The following KIAA1217 variants were observed in gnomAD, a reference collection of about 807,000 sequenced individuals.
KIAA1217 encodes sickle tail protein homolog.
Under a neutral mutation model 163.9 loss-of-function variants are expected in KIAA1217, and 88 were observed. The ratio of observed to expected loss-of-function variants is 0.54; its 90% confidence interval spans 0.45 to 0.64. KIAA1217 has a LOEUF of 0.64. Ranked by LOEUF, KIAA1217 falls within the 30% of genes least tolerant of loss-of-function variation. KIAA1217 has a pLI of 0.00. For synonymous variants in KIAA1217, 903 were observed against 923.1 expected, an observed-to-expected ratio of 0.98 and a Z score of 0.39; for missense variants, 2,372 against 2,475.0, an observed-to-expected ratio of 0.96 and a Z score of 0.88.
At chr10:24,064,624 T>A (rs1201327037) in intron 2 of KIAA1217, among the ~76,000 whole-genome samples, 2 of 152,084 alleles carry the variant, frequency 1.3e-5, no homozygotes, top group South Asian at 4.2e-4. Flanking sequence ...TGTCTCTGCC[T>A]GGCTTTGGTA....
intron 2 of KIAA1217, among the ~76,000 whole-genome samples, chr10:24,309,305 TGTAGACCA>T (rs1179150174): frequency 6.6e-6 from 1 of 151,286 alleles, no homozygotes; most frequent in Non-Finnish European, 1.5e-5. Context: ...AACTGTATTG[TGTAGACCA>T]GTAGACCATG....
chr10:24,373,228 G>A (rs1370325934), intron 2 of KIAA1217, among the ~76,000 whole-genome samples: 1 of 152,144 alleles, frequency 6.6e-6, no homozygotes, highest in African/African-American at 2.4e-5. Context: ...GTCACTTCTT[G>A]CAAATGGAAT....
intron 2 of KIAA1217, among the ~76,000 whole-genome samples, chr10:24,035,547 C>A (rs1337754072): frequency 6.6e-6 from 1 of 152,196 alleles, no homozygotes; most frequent in Non-Finnish European, 1.5e-5. Flanking sequence ...ATCTCTCCAG[C>A]TTCTGAGGCA....
chr10:24,499,996 C>T (rs549791391), intron 8 of KIAA1217, among the ~76,000 whole-genome samples: 1 of 152,130 alleles, frequency 6.6e-6, no homozygotes, highest in Non-Finnish European at 1.5e-5. Flanking sequence ...ACTTTGAGCT[C>T]CACTGGGGCC....
At chr10:23,770,439 A>T (rs565603264) in intron 1 of KIAA1217, among the ~76,000 whole-genome samples, 1 of 152,238 alleles carries the variant, frequency 6.6e-6, no homozygotes, top group South Asian at 2.1e-4. Context: ...CTCAATTTCT[A>T]CCAGCTACTC....
chr10:24,499,591 G>T (rs558189845), intron 8 of KIAA1217, among the ~76,000 whole-genome samples: 36 of 152,262 alleles, frequency 2.4e-4, no homozygotes, highest in African/African-American at 7.5e-4. Flanking sequence ...AATTAACTGG[G>T]TGTTGTGGTG....
At position 24,547,460 on chromosome 10, in the gene KIAA1217, A is replaced by C. The variant is rs1433680559; in HGVS notation, c.*1136A>C. 1 of 152,608 alleles carries C rather than the reference A, an allele frequency of 6.6e-6. No homozygotes were observed. The highest frequency in any genetic ancestry group is 6.5e-5 in the Admixed American group (1 of 15,280). 9.5% of individuals were successfully genotyped at this position (152,608 alleles called of 1,614,324 possible). A position where few individuals can be genotyped will look rare whatever the true frequency, so the allele number is the denominator to read the frequency against. The stretch of plus-strand genomic sequence containing the variant: ...CAGAACTATAAGCAGAGACTTTGCA[A>C]AACTAAATAAAGGGCTGCATGCTTA... On this transcript the variant is annotated 3_prime_UTR_variant, in exon 21 of 21. Transcript: ENST00000376454.
intron 1 of KIAA1217, among the ~76,000 whole-genome samples, chr10:23,737,944 T>A (rs1308635471): frequency 6.6e-6 from 1 of 152,124 alleles, no homozygotes; most frequent in East Asian, 1.9e-4. Context: ...GACTTTTTCA[T>A]CTTGTAGCTG....
chr10:24,149,530 A>G (rs2064502926), intron 2 of KIAA1217, among the ~76,000 whole-genome samples: 1 of 152,170 alleles, frequency 6.6e-6, no homozygotes, highest in Admixed American at 6.6e-5. Context: ...GTTCATAAAC[A>G]GGCATCAGAT....
intron 1 of KIAA1217, among the ~76,000 whole-genome samples, chr10:23,851,482 T>A (rs1416820583): frequency 6.6e-6 from 1 of 152,226 alleles, no homozygotes. Flanking sequence ...TATGTGTGCA[T>A]GTGTCTTTAT....
At chr10:23,996,902 C>T (rs1471421766) in intron 1 of KIAA1217, among the ~76,000 whole-genome samples, 2 of 152,130 alleles carry the variant, frequency 1.3e-5, no homozygotes, top group Non-Finnish European at 2.9e-5. Flanking sequence ...AATGGGATTT[C>T]AGTCACATGG....
At chr10:23,922,081 G>A (rs1842869655) in intron 1 of KIAA1217, among the ~76,000 whole-genome samples, 1 of 151,910 alleles carries the variant, frequency 6.6e-6, no homozygotes, top group Admixed American at 6.6e-5. Context: ...AGCAGAGAGT[G>A]GCTGGAGATG....
At chr10:24,250,621 T>TTTTTTGG (rs1434959136) in intron 2 of KIAA1217, among the ~76,000 whole-genome samples, 1 of 50,730 alleles carries the variant, frequency 2.0e-5, no homozygotes, top group African/African-American at 8.8e-5. Flanking sequence ...TTTGTATTGT[T>TTTTTTGG]AATAGAGACG....
At chr10:24,102,955 A>T (rs2062475258) in intron 2 of KIAA1217, among the ~76,000 whole-genome samples, 1 of 152,084 alleles carries the variant, frequency 6.6e-6, no homozygotes, top group African/African-American at 2.4e-5. Context: ...ATGAGATCTG[A>T]TGGTTTTATA....
chr10:24,402,621 G>T (rs751543745), intron 3 of KIAA1217, among the ~76,000 whole-genome samples: 10 of 151,786 alleles, frequency 6.6e-5, no homozygotes, highest in Non-Finnish European at 1.2e-4. Flanking sequence ...AGATTTTTAG[G>T]CTGCTTATAG....
intron 1 of KIAA1217, among the ~76,000 whole-genome samples, chr10:23,988,390 T>G (rs916414273): frequency 2.0e-5 from 3 of 152,244 alleles, no homozygotes; most frequent in African/African-American, 7.2e-5. Flanking sequence ...TCTCTGAAAT[T>G]TCCTGACCCT....
At chr10:24,336,182 G>T (rs1049819465) in intron 2 of KIAA1217, among the ~76,000 whole-genome samples, 1 of 152,110 alleles carries the variant, frequency 6.6e-6, no homozygotes, top group Non-Finnish European at 1.5e-5. Context: ...GGTGGAAGTT[G>T]CATGACCCGA....
In KIAA1217 at chr10:24,089,165, G is replaced by T. The variant is rs1362750586; in HGVS notation, c.-171+81791G>T. ...TTGTTTGTTTTTTTCTTGTAAATTT[G>T]TTTGTGTTCTTTGTAGATTCTGGAT... On this transcript the variant is annotated intron_variant, in intron 2 of 18. Coordinates refer to the KIAA1217 transcript ENST00000376462. Among the ~76,000 whole-genome samples the T allele has an allele frequency of 3.5e-4, 44 of 124,666 alleles. 4 individuals carry two copies. Among genetic ancestry groups the T allele is most frequent in the African/African-American group, 1.0e-3 (41 of 39,758 alleles). The allele number at this position is 124,666 out of a possible 152,430, so 81.8% of individuals were successfully genotyped here.
At chr10:24,207,269 C>T (rs1050397386), upstream of KIAA1217, among the ~76,000 whole-genome samples, 1 of 101,976 alleles carries the variant, frequency 9.8e-6, no homozygotes, top group Non-Finnish European at 1.9e-5. Context: ...TACAGTGTTT[C>T]TCTCTCTCTC....
Sources: gnomAD v4.1 joint callset for allele counts (sites outside exome capture counted in the v4.1 genomes callset) on GRCh38, gnomAD v4.1.1 for gene constraint, MANE v1.5 for transcripts, NCBI Gene and HGNC (gene_info 2026-07-23, HGNC 2026-07-21) for gene names.